PRMT7: variants seen among roughly 807,000 people sequenced by gnomAD.
PRMT7 encodes protein arginine N-methyltransferase 7.
PRMT7 carries 75 observed loss-of-function variants against 85.4 expected under a neutral mutation model. That is an observed-to-expected ratio of 0.88 (90% CI 0.73 to 1.06). The LOEUF (loss-of-function observed/expected upper bound fraction) is 1.06. Among genes scored for constraint, PRMT7 ranks in the 50% least tolerant of loss-of-function variants. The probability of loss-of-function intolerance (pLI) is 0.00; values close to 1 mark genes in which losing one functional copy is unlikely to be tolerated. For synonymous variants in PRMT7, 397 were observed against 359.5 expected, an observed-to-expected ratio of 1.10 and a Z score of -1.18; for missense variants, 868 against 915.2, an observed-to-expected ratio of 0.95 and a Z score of 0.67.
intron 9 of PRMT7, among the ~76,000 whole-genome samples, chr16:68,344,109 A>G (rs113457602): frequency 0.014 from 2,091 of 152,330 alleles, 27 homozygotes; most frequent in Middle Eastern, 0.027. Flanking sequence ...CTGGGACTAC[A>G]GGCACTTGCC....
At chr16:68,345,636 C>T (rs1490394603) in intron 9 of PRMT7, 39 bp from the exon 10 acceptor site, 3 of 1,611,156 alleles carry the variant, frequency 1.9e-6, no homozygotes, top group Non-Finnish European at 2.5e-6. Flanking sequence ...ATTGCTCATA[C>T]TGCAGCTCGT....
Position 68,347,237 on chromosome 16 carries a change from G to T in PRMT7, c.1218G>T (p.Leu406=). The T allele has an allele frequency of 6.4e-7, 1 of 1,553,446 alleles. No homozygotes were observed. The highest frequency in any genetic ancestry group is 8.7e-7 in the Non-Finnish European group (1 of 1,147,568). ...TGCTGAAGCCAGACAGCGTGTGCCT[G>T]TGTGTCAGCGATGGCAGCCTGCTCT... ...RTVLKPDSVC[L]CVSDGSLLSV... The change falls in exon 12 of 19, where the codon CTG becomes CTT. Residue 406 remains leucine (L), a synonymous_variant. Coordinates refer to ENST00000441236, the MANE Select transcript of PRMT7 (RefSeq NM_019023.5).
chr16:68,343,684 G>T (rs929963273), intron 9 of PRMT7, among the ~76,000 whole-genome samples: 10 of 152,224 alleles, frequency 6.6e-5, no homozygotes, highest in Non-Finnish European at 1.5e-4. Context: ...CATTTGCATA[G>T]TGTGGGAATG....
chr16:68,356,945 G>T, intron 18 of PRMT7, 109 bp from the exon 19 acceptor site: 5 of 1,397,758 alleles, frequency 3.6e-6, no homozygotes, highest in Non-Finnish European at 4.9e-6. Flanking sequence ...GGGCCATCTG[G>T]CCCCTGAGCA....
At chr16:68,311,480 GCCAA>G (rs1454202782) in intron 1 of PRMT7, 1 of 174,138 alleles carries the variant, frequency 5.7e-6, no homozygotes, top group East Asian at 1.9e-4. Context: ...TTCACTACAC[GCCAA>G]CCAGAGTGGT....
intron 6 of PRMT7, among the ~76,000 whole-genome samples, chr16:68,335,440 T>A (rs2084529953): frequency 6.6e-6 from 1 of 151,894 alleles, no homozygotes; most frequent in Non-Finnish European, 1.5e-5. Context: ...TTGGACAGTG[T>A]ATTCCAGTTG....
At chr16:68,335,933 C>G (rs951937485) in intron 6 of PRMT7, among the ~76,000 whole-genome samples, 1 of 152,084 alleles carries the variant, frequency 6.6e-6, no homozygotes, top group African/African-American at 2.4e-5. Context: ...CCCATCACCA[C>G]GCCTGGCTAA....
chr16:68,321,490 G>C (rs778389412), intron 4 of PRMT7, 28 bp downstream of exon 4: 1 of 1,582,492 alleles, frequency 6.3e-7, no homozygotes, highest in Admixed American at 1.7e-5. Flanking sequence ...CTATTATCTT[G>C]ATGTGGGGTG....
rs373794528 is a variant in PRMT7 at position 68,346,368 on chromosome 16, G to C, written c.1191+88G>C. ...CCCAGCACTTTGCTTATGATTTGCT[G>C]TTTCTTTCCTGTGTCCTCTTGTCTA... On this transcript the variant is annotated intron_variant, in intron 11 of 18. Coordinates refer to ENST00000441236, the MANE Select transcript of PRMT7 (RefSeq NM_019023.5). 5.4e-5 allele frequency: 86 copies of C among 1,579,372 alleles called. No homozygotes were observed. The South Asian group carries it at 9.1e-4, about 17-fold the overall frequency.
In PRMT7 at chr16:68,340,300, A is replaced by G. The variant is rs565484052; in HGVS notation, c.927+332A>G. On this transcript the variant is annotated intron_variant, in intron 9 of 18. Coordinates refer to ENST00000441236, the MANE Select transcript of PRMT7 (RefSeq NM_019023.5). Reference sequence around the variant, plus strand: ...TCCCATCAGCTTGGAATAGAGAACTACAGCCTCACCTTCTGTGGCCTCAAA... The same window carrying G: ...TCCCATCAGCTTGGAATAGAGAACTGCAGCCTCACCTTCTGTGGCCTCAAA... Among the ~76,000 whole-genome samples the G allele has an allele frequency of 2.8e-4, 43 of 152,234 alleles. 1 individual carries two copies. The highest frequency in any genetic ancestry group is 9.4e-4 in the African/African-American group (39 of 41,542).
chr16:68,351,367 G>A (rs1325494645), intron 14 of PRMT7: 2 of 112,288 alleles, frequency 1.8e-5, no homozygotes, highest in Non-Finnish European at 3.4e-5. Flanking sequence ...TTTCTTACCC[G>A]GACTCTTTCT....
intron 16 of PRMT7, chr16:68,354,529 A>G (rs1408876090): frequency 6.6e-6 from 1 of 152,226 alleles, no homozygotes; most frequent in Non-Finnish European, 1.5e-5. Context: ...GTGTGTGAAC[A>G]CTTTTTTAAG....
intron 6 of PRMT7, 61 bp downstream of exon 6, chr16:68,329,235 G>C: frequency 7.9e-7 from 1 of 1,264,102 alleles, no homozygotes; most frequent in Non-Finnish European, 1.1e-6. Context: ...GAGGAAAAGG[G>C]TTATTCCAGT....
intron 4 of PRMT7, among the ~76,000 whole-genome samples, chr16:68,322,719 A>AT (rs11451851): frequency 0.62 from 93,891 of 151,498 alleles, 29,396 homozygotes; most frequent in East Asian, 0.78. Context: ...CTGTTCATCA[A>AT]TTTTTTTTAA....
chr16:68,344,448 C>G (rs2086014117), intron 9 of PRMT7, among the ~76,000 whole-genome samples: 2 of 152,210 alleles, frequency 1.3e-5, no homozygotes, highest in South Asian at 2.1e-4. Flanking sequence ...CATCTCTGTT[C>G]CGGGCCCCGT....
At chr16:68,334,831 G>T (rs1210337540) in intron 6 of PRMT7, among the ~76,000 whole-genome samples, 1 of 151,654 alleles carries the variant, frequency 6.6e-6, no homozygotes, top group African/African-American at 2.4e-5. Context: ...CAGTCTCACT[G>T]TATCACCCAA....
intron 4 of PRMT7, chr16:68,321,752 A>T (rs2082523690): frequency 6.7e-6 from 2 of 297,228 alleles, no homozygotes; most frequent in Non-Finnish European, 1.2e-5. Context: ...AAGCTAATTA[A>T]CAAATCTACC....
At chr16:68,351,772 TGTG>T (rs2087404785) in intron 14 of PRMT7, 1 of 154,052 alleles carries the variant, frequency 6.5e-6, no homozygotes, top group South Asian at 2.0e-4. Flanking sequence ...TCCCTGCTCT[TGTG>T]GTGCTCAGAG....
chr16:68,348,534 G>A (rs1366781100), intron 14 of PRMT7, 103 bp downstream of exon 14: 20 of 865,134 alleles, frequency 2.3e-5, no homozygotes, highest in Admixed American at 1.6e-4. Flanking sequence ...CTCACAGTGG[G>A]TCCTCCACAT....
Sources: gnomAD v4.1 joint callset for allele counts (sites outside exome capture counted in the v4.1 genomes callset) on GRCh38, gnomAD v4.1.1 for gene constraint, MANE v1.5 for transcripts, NCBI Gene and HGNC (gene_info 2026-07-23, HGNC 2026-07-21) for gene names.